Variants in AP1B1 observed in about 807,000 individuals in gnomAD.
AP1B1 encodes the protein adaptor related protein complex 1 subunit beta 1.
Under a neutral mutation model 104.3 loss-of-function variants are expected in AP1B1, and 36 were observed. The ratio of observed to expected loss-of-function variants is 0.35; its 90% CI spans 0.26 to 0.46. The LOEUF (loss-of-function observed/expected upper bound fraction) is 0.46, where lower values mean the gene tolerates loss of function less well. AP1B1 is among the 20% of genes least tolerant of loss of function. The pLI is 1.00. For synonymous variants in AP1B1, 504 were observed against 517.5 expected, an observed-to-expected ratio of 0.97 and a Z score of 0.35; for missense variants, 901 against 1,247.9, an observed-to-expected ratio of 0.72 and a Z score of 4.19.
chr22:29,336,192 T>A (rs1012456676), intron 16 of AP1B1, among the ~76,000 whole-genome samples: 1 of 152,202 alleles, frequency 6.6e-6, no homozygotes, highest in Non-Finnish European at 1.5e-5. Flanking sequence ...ACCAACATGG[T>A]TGGCCAATGT....
chr22:29,353,683 C>G (rs1254135393), intron 7 of AP1B1, among the ~76,000 whole-genome samples: 2 of 152,186 alleles, frequency 1.3e-5, no homozygotes, highest in Non-Finnish European at 2.9e-5. Flanking sequence ...CAGACTGAAG[C>G]TACAACCAGG....
intron 8 of AP1B1, 155 bp from the exon 9 acceptor site, chr22:29,351,421 T>C (rs761501940): frequency 3.1e-6 from 3 of 973,442 alleles, no homozygotes; most frequent in Non-Finnish European, 4.7e-6. Context: ...GGCAGGTGCC[T>C]GAAAAGGAAA....
chr22:29,372,025 CCT>C (rs1569164997), intron 1 of AP1B1, among the ~76,000 whole-genome samples: 1 of 152,180 alleles, frequency 6.6e-6, no homozygotes, highest in Non-Finnish European at 1.5e-5. Context: ...GTGTGGCTGT[CCT>C]CTCTTAATCT....
At chr22:29,381,560 T>C (rs1166469705) in intron 1 of AP1B1, among the ~76,000 whole-genome samples, 1 of 152,242 alleles carries the variant, frequency 6.6e-6, no homozygotes, top group Non-Finnish European at 1.5e-5. Flanking sequence ...CAGAGATACA[T>C]CTGCTCTGAT....
intron 10 of AP1B1, among the ~76,000 whole-genome samples, chr22:29,349,806 A>C (rs2061846066): frequency 6.6e-6 from 1 of 152,116 alleles, no homozygotes; most frequent in African/African-American, 2.4e-5. Context: ...AAGAGCCACC[A>C]CACCTGGCCT....
intron 5 of AP1B1, 30 bp from the exon 6 acceptor site, chr22:29,356,646 TG>T (rs1416138274): frequency 1.2e-6 from 2 of 1,604,636 alleles, no homozygotes; most frequent in East Asian, 2.2e-5. Flanking sequence ...GGGCAGAGGC[TG>T]GGGGTGCTGC....
chr22:29,370,346 G>A (rs969925271), intron 1 of AP1B1, among the ~76,000 whole-genome samples: 3 of 151,682 alleles, frequency 2.0e-5, no homozygotes, highest in Admixed American at 6.6e-5. Flanking sequence ...CCAGCTACTC[G>A]GGAGGCTGAG....
intron 1 of AP1B1, among the ~76,000 whole-genome samples, chr22:29,378,535 A>G (rs2062382799): frequency 7.2e-6 from 1 of 138,110 alleles, no homozygotes; most frequent in Non-Finnish European, 1.5e-5. Context: ...CCTGGGCGAG[A>G]GAAAGAAACT....
At chr22:29,340,631 C>A in intron 14 of AP1B1, 25 bp downstream of exon 14, 2 of 1,510,172 alleles carry the variant, frequency 1.3e-6, no homozygotes, top group Non-Finnish European at 1.8e-6. Flanking sequence ...TTATCAACAT[C>A]ATCCAGAGGG....
rs765677564 is a variant in AP1B1, at chr22:29,341,520, G to A, written c.1777C>T (p.Leu593=). The change falls in exon 13 of 23, where the codon CTG becomes TTG. Residue 593 remains leucine, a synonymous_variant. Coordinates refer to ENST00000357586, the MANE Select transcript of AP1B1 (RefSeq NM_001127.4). ...ACTCACGAGGCCGTGCGAGGTGGCA[G>A]GCTCTTGTGCACGACGCCCCGGCCC... ...EGGRGVVHKS[L]PPRTASSESA... 35 of 1,613,114 alleles carry A rather than the reference G, an allele frequency of 2.2e-5. No individual in the cohort carries two copies. Among genetic ancestry groups the A allele is most frequent in the Middle Eastern group, 1.6e-4 (1 of 6,078 alleles).
intron 16 of AP1B1, among the ~76,000 whole-genome samples, chr22:29,338,152 G>C (rs1320767701): frequency 6.6e-6 from 1 of 152,112 alleles, no homozygotes; most frequent in Admixed American, 6.5e-5. Flanking sequence ...TCCTACCATG[G>C]GGACAACCAC....
At chr22:29,343,131 C>T (rs2061738949) in intron 11 of AP1B1, among the ~76,000 whole-genome samples, 1 of 152,254 alleles carries the variant, frequency 6.6e-6, no homozygotes, top group Non-Finnish European at 1.5e-5. Flanking sequence ...TTAAGAAATA[C>T]TTGCTGACTG....
intron 21 of AP1B1, 96 bp downstream of exon 21, chr22:29,330,282 A>T: frequency 6.4e-7 from 1 of 1,570,298 alleles, no homozygotes; most frequent in Non-Finnish European, 8.6e-7. Flanking sequence ...GCCAGGCTTG[A>T]AGGGACGCTT....
chr22:29,346,181 T>C (rs953451324), intron 11 of AP1B1, among the ~76,000 whole-genome samples: 8 of 152,174 alleles, frequency 5.3e-5, no homozygotes, highest in East Asian at 1.9e-4. Flanking sequence ...GAGGAGGAGC[T>C]TGGATCTCAA....
chr22:29,328,840 T>A lies in AP1B1; in HGVS notation c.2831A>T (p.Glu944Val). The change falls in exon 23 of 23, where the codon GAG becomes GTG. Residue 944 changes from glutamate to valine, a missense_variant. By Grantham distance (121) the Glu-to-Val change is moderately radical. Around this residue, in one of 3 missense-constraint regions of AP1B1, gnomAD observed 424 missense variants for 494.0 expected, o/e 0.86. Transcript: ENST00000357586. This position sits in a 1 kb window ranked among gnomAD's most constrained non-coding sequence, Gnocchi z 4.1. ...EVSQHVYQAY[E>V]TILKN ...GGGGTCTCAGTTCTTGAGGATGGTC[T>A]CGTAGGCCTGGTACACGTGCTGGGA... The A allele has an allele frequency of 1.2e-6, 2 of 1,608,292 alleles. No homozygotes were observed. The highest frequency in any genetic ancestry group is 8.5e-7 in the Non-Finnish European group (1 of 1,178,854).
At chr22:29,342,455 G>C in intron 11 of AP1B1, 72 bp from the exon 12 acceptor site, 1 of 1,300,484 alleles carries the variant, frequency 7.7e-7, no homozygotes, top group South Asian at 1.2e-5. Flanking sequence ...AAAAAGGCTT[G>C]AAGAGGAATA....
At position 29,357,743 on chromosome 22, in the gene AP1B1, G is replaced by C. The variant is rs145516497; in HGVS notation, c.525+983C>G. 1.6e-3 allele frequency among the ~76,000 whole-genome samples: 224 copies of C among 137,000 alleles called. 1 individual carries two copies. The highest frequency in any genetic ancestry group is 9.6e-3 in the Middle Eastern group (2 of 208). The allele number at this position is 137,000 out of a possible 152,430, so 89.9% of individuals were successfully genotyped here. On this transcript the variant is annotated intron_variant, in intron 5 of 22. Coordinates refer to ENST00000357586, the MANE Select transcript of AP1B1 (RefSeq NM_001127.4). ...AGCTCTGTCGCCAGGCTGGAGTACA[G>C]TGACGCAGTCTTAGCTCACTGCAAC...
chr22:29,352,119 A>G (rs5997464), intron 7 of AP1B1, among the ~76,000 whole-genome samples: 5,138 of 152,210 alleles, frequency 0.034, 271 homozygotes, highest in African/African-American at 0.12. Context: ...GGGCTTGGGA[A>G]TCAGACATAT....
At chr22:29,337,893 C>T (rs1022479653) in intron 16 of AP1B1, among the ~76,000 whole-genome samples, 10 of 152,218 alleles carry the variant, frequency 6.6e-5, no homozygotes, top group East Asian at 5.8e-4. Context: ...TCCCTGCAGA[C>T]GCAGCCATCT....
Sources: allele counts gnomAD v4.1 joint callset (sites outside exome capture counted in the v4.1 genomes callset), GRCh38; gene constraint gnomAD v4.1.1; regional missense constraint gnomAD v4.1.1; non-coding constraint Gnocchi (gnomAD v3.1); transcripts MANE v1.5; gene names NCBI Gene and HGNC (gene_info 2026-07-23, HGNC 2026-07-21).